The following TMEM181 variants were observed in gnomAD, a reference collection of about 807,000 sequenced individuals.
TMEM181 encodes transmembrane protein 181.
A neutral mutation model predicts 71.9 loss-of-function variants in TMEM181; 39 were observed. The ratio of observed to expected loss-of-function variants is 0.54; its 90% CI spans 0.42 to 0.71. TMEM181 has a LOEUF of 0.71. TMEM181 is among the 30% of genes least tolerant of loss of function. The pLI is 0.00. For missense variants in TMEM181, 595 were observed against 583.0 expected (o/e 1.02, Z -0.21); for synonymous variants, 245 against 228.8 (o/e 1.07, Z -0.64).
At chr6:158,576,335 G>C (rs1783152557) in intron 2 of TMEM181, among the ~76,000 whole-genome samples, 1 of 152,158 alleles carries the variant, frequency 6.6e-6, no homozygotes, top group African/African-American at 2.4e-5. Flanking sequence ...AGGCATCTGT[G>C]CTCTGATCAC....
intron 6 of TMEM181, among the ~76,000 whole-genome samples, chr6:158,594,428 A>G (rs1380831589): frequency 1.3e-5 from 2 of 152,002 alleles, no homozygotes; most frequent in South Asian, 2.1e-4. Context: ...AATGTCATCT[A>G]GTTGGAATCA....
intron 2 of TMEM181, among the ~76,000 whole-genome samples, chr6:158,576,060 G>C (rs1783135326): frequency 6.6e-6 from 1 of 152,196 alleles, no homozygotes; most frequent in African/African-American, 2.4e-5. Context: ...GGTGGAGTAG[G>C]AATCGATGTC....
At chr6:158,557,500 C>CTA (rs1257082065), upstream of TMEM181, among the ~76,000 whole-genome samples, 1 of 105,614 alleles carries the variant, frequency 9.5e-6, no homozygotes, top group African/African-American at 4.2e-5. Flanking sequence ...TCTATCACAG[C>CTA]TGTAATTATT....
intron 1 of TMEM181, among the ~76,000 whole-genome samples, chr6:158,567,182 A>G (rs1782560453): frequency 6.6e-6 from 1 of 152,152 alleles, no homozygotes; most frequent in Admixed American, 6.5e-5. Context: ...GGAAACTGAC[A>G]TGTGGCCCCA....
intron 8 of TMEM181, 120 bp downstream of exon 8, chr6:158,607,463 A>C: frequency 1.2e-6 from 1 of 855,376 alleles, no homozygotes; most frequent in South Asian, 1.5e-5. Context: ...GGACTGCTTG[A>C]AGCCAGGAGT....
chr6:158,575,741 G>A (rs10223321), intron 2 of TMEM181, among the ~76,000 whole-genome samples: 60,629 of 152,034 alleles, frequency 0.4, 12,511 homozygotes, highest in Middle Eastern at 0.52. Flanking sequence ...TGTGGACACA[G>A]GCCTCTTTCC....
chr6:158,591,513 T>C (rs1784108456), intron 6 of TMEM181, among the ~76,000 whole-genome samples: 2 of 152,042 alleles, frequency 1.3e-5, no homozygotes, highest in Admixed American at 6.6e-5. Context: ...GATCTTAGTC[T>C]TCAGAGAATC....
intron 1 of TMEM181, among the ~76,000 whole-genome samples, chr6:158,546,098 G>A (rs1160659909): frequency 6.6e-6 from 1 of 152,184 alleles, no homozygotes; most frequent in African/African-American, 2.4e-5. Context: ...AGAGCCCCCA[G>A]TTTAGGATTC....
At chr6:158,570,372 A>G (rs967501336) in intron 1 of TMEM181, among the ~76,000 whole-genome samples, 1 of 150,762 alleles carries the variant, frequency 6.6e-6, no homozygotes. Flanking sequence ...AGCTGGGACT[A>G]CAGGTGCCCG....
intron 1 of TMEM181, among the ~76,000 whole-genome samples, chr6:158,544,836 A>G (rs1196251688): frequency 6.6e-6 from 1 of 152,090 alleles, no homozygotes; most frequent in Admixed American, 6.5e-5. Context: ...CTCTTTTCCT[A>G]TCCCGAAATG....
intron 6 of TMEM181, among the ~76,000 whole-genome samples, chr6:158,593,340 AG>A (rs1298049157): frequency 6.6e-6 from 1 of 152,270 alleles, no homozygotes; most frequent in Non-Finnish European, 1.5e-5. Flanking sequence ...CTAGACGTCT[AG>A]AAGGCTGTCT....
At chr6:158,586,256 A>T (rs2128302870) in intron 5 of TMEM181, among the ~76,000 whole-genome samples, 1 of 152,318 alleles carries the variant, frequency 6.6e-6, no homozygotes, top group East Asian at 1.9e-4. Context: ...TAGAGCGAGG[A>T]GTCCACCTCA....
At chr6:158,536,931 C>G in intron 1 of TMEM181, 3 of 1,177,970 alleles carry the variant, frequency 2.5e-6, no homozygotes, top group Non-Finnish European at 3.2e-6. Context: ...CTCCGGGACC[C>G]CGGCGCGCCC....
At chr6:158,625,350 G>T (rs1237036540) in intron 12 of TMEM181, 144 bp downstream of exon 12, 3 of 714,856 alleles carry the variant, frequency 4.2e-6, no homozygotes, top group Non-Finnish European at 7.2e-6. Flanking sequence ...ACCAGGGCAC[G>T]TGGTCCCTGG....
At chr6:158,562,661 A>T (rs1269857814) in intron 1 of TMEM181, among the ~76,000 whole-genome samples, 1 of 152,088 alleles carries the variant, frequency 6.6e-6, no homozygotes, top group African/African-American at 2.4e-5. Flanking sequence ...TGAGTCTCCC[A>T]GTGCTTTTGA....
At chr6:158,578,434 ATTATAACTTTGGTTTG>A (rs1783285735) in intron 2 of TMEM181, among the ~76,000 whole-genome samples, 1 of 152,228 alleles carries the variant, frequency 6.6e-6, no homozygotes, top group Admixed American at 6.5e-5. Context: ...ATCTAGTATT[ATTATAACTTTGGTTTG>A]TAACTCCACA....
chr6:158,558,159 G>A (rs1219721478), upstream of TMEM181, among the ~76,000 whole-genome samples: 1 of 152,168 alleles, frequency 6.6e-6, no homozygotes, highest in Non-Finnish European at 1.5e-5. Flanking sequence ...GGTCCTCGGG[G>A]TGGTGACAGT....
At chr6:158,606,640 T>C (rs1233111187) in intron 7 of TMEM181, among the ~76,000 whole-genome samples, 1 of 152,250 alleles carries the variant, frequency 6.6e-6, no homozygotes, top group Admixed American at 6.5e-5. Flanking sequence ...TATAATGTTT[T>C]AAAGCAGTTT....
chr6:158,622,529 C>G (rs1233410602), intron 10 of TMEM181, among the ~76,000 whole-genome samples: 2 of 152,204 alleles, frequency 1.3e-5, no homozygotes, highest in Non-Finnish European at 2.9e-5. Context: ...TGGCACACAT[C>G]CCTGGGGGGA....
Sources: gnomAD v4.1 joint callset for allele counts (sites outside exome capture counted in the v4.1 genomes callset) on GRCh38, gnomAD v4.1.1 for gene constraint, MANE v1.5 for transcripts, NCBI Gene and HGNC (gene_info 2026-07-23, HGNC 2026-07-21) for gene names.